Variants in ANKRD6 observed in about 807,000 individuals in gnomAD.
The protein encoded by ANKRD6 is ankyrin repeat domain 6.
A neutral mutation model predicts 82.3 loss-of-function variants in ANKRD6; 56 were observed. That is an observed-to-expected ratio of 0.68 (90% CI 0.55 to 0.85). The LOEUF is 0.85. ANKRD6 is among the 40% of genes least tolerant of loss of function. ANKRD6 has a pLI of 0.00. For synonymous variants in ANKRD6, 347 were observed against 352.1 expected (o/e 0.99, Z 0.16); for missense variants, 852 against 907.6 (o/e 0.94, Z 0.79).
chr6:89,549,526 A>G (rs1292175793), intron 1 of ANKRD6, among the ~76,000 whole-genome samples: 1 of 152,188 alleles, frequency 6.6e-6, no homozygotes, highest in Admixed American at 6.5e-5. Context: ...TCTGTTCATT[A>G]TGAGTTACCC....
intron 1 of ANKRD6, among the ~76,000 whole-genome samples, chr6:89,480,551 T>G (rs1221524468): frequency 6.6e-6 from 1 of 150,612 alleles, no homozygotes; most frequent in Admixed American, 6.6e-5. Flanking sequence ...TTTATATATT[T>G]TTTGTATATT....
chr6:89,598,506 G>T (rs898190087), intron 3 of ANKRD6: 2 of 849,800 alleles, frequency 2.4e-6, no homozygotes, highest in African/African-American at 3.7e-5. Flanking sequence ...ACATGGGGGT[G>T]TTTCCTCTTG....
chr6:89,600,409 C>G lies in ANKRD6; in HGVS notation c.220-2620C>G, dbSNP rs578163451. On this transcript the variant is annotated intron_variant, in intron 3 of 15. Coordinates refer to ENST00000339746, the MANE Select transcript of ANKRD6 (RefSeq NM_001242809.2). ...ATTTGTACAGCAAGAGTGGCTAACA[C>G]GACCCATATGCTCAGGGCTTGTTGC... Among the ~76,000 whole-genome samples the G allele has an allele frequency of 7.2e-5, 11 of 152,260 alleles. No individual in the cohort carries two copies. In the South Asian group the frequency reaches 2.1e-3, roughly 29 times the overall value.
chr6:89,614,507 G>A (rs978297337), intron 7 of ANKRD6, among the ~76,000 whole-genome samples: 1 of 152,126 alleles, frequency 6.6e-6, no homozygotes, highest in Non-Finnish European at 1.5e-5. Flanking sequence ...TTAGCCAGGC[G>A]TGGTGGCGTG....
At chr6:89,434,608 A>AT (rs948089526) in intron 1 of ANKRD6, among the ~76,000 whole-genome samples, 20 of 152,056 alleles carry the variant, frequency 1.3e-4, no homozygotes, top group African/African-American at 4.6e-4. Flanking sequence ...CTAATTTTGA[A>AT]TTTTTTTATT....
At chr6:89,594,195 G>A (rs913648277) in intron 2 of ANKRD6, among the ~76,000 whole-genome samples, 6 of 152,154 alleles carry the variant, frequency 3.9e-5, no homozygotes, top group Non-Finnish European at 7.3e-5. Context: ...GCTAACGCCT[G>A]CAATCTCAGC....
At chr6:89,625,879 G>A (rs1805496968) in intron 13 of ANKRD6, among the ~76,000 whole-genome samples, 1 of 151,924 alleles carries the variant, frequency 6.6e-6, no homozygotes, top group Admixed American at 6.6e-5. Flanking sequence ...GACTAAGGCG[G>A]ACGCCACCAT....
chr6:89,445,271 T>TC (rs953380660), intron 1 of ANKRD6, among the ~76,000 whole-genome samples: 2 of 138,500 alleles, frequency 1.4e-5, no homozygotes, highest in African/African-American at 5.5e-5. Flanking sequence ...TTTCTTTTTT[T>TC]TTTTTTTTTT....
chr6:89,465,399 G>A (rs557375417), intron 1 of ANKRD6, among the ~76,000 whole-genome samples: 4 of 152,066 alleles, frequency 2.6e-5, no homozygotes, highest in Admixed American at 2.6e-4. Flanking sequence ...GGGATTACAA[G>A]TATGAGCCAC....
intron 1 of ANKRD6, among the ~76,000 whole-genome samples, chr6:89,464,683 C>T (rs1774616367): frequency 6.6e-6 from 1 of 152,172 alleles, no homozygotes; most frequent in African/African-American, 2.4e-5. Context: ...GTATGCATTT[C>T]TATTTGGAAG....
chr6:89,604,548 TATAC>T (rs1365042644), intron 4 of ANKRD6, among the ~76,000 whole-genome samples: 1 of 152,022 alleles, frequency 6.6e-6, no homozygotes, highest in African/African-American at 2.4e-5. Flanking sequence ...TAAAGTATAA[TATAC>T]ATACAGAAAA....
chr6:89,536,098 C>T (rs544952915), intron 1 of ANKRD6, among the ~76,000 whole-genome samples: 2 of 152,298 alleles, frequency 1.3e-5, no homozygotes, highest in African/African-American at 4.8e-5. Context: ...GGAATGGTGG[C>T]ACATGCCTGT....
intron 1 of ANKRD6, among the ~76,000 whole-genome samples, chr6:89,517,686 T>C (rs953229372): frequency 3.3e-5 from 5 of 152,268 alleles, no homozygotes; most frequent in Admixed American, 2.0e-4. Flanking sequence ...GTTATGTTTA[T>C]TCTGACCACC....
At chr6:89,518,169 G>A (rs971557549) in intron 1 of ANKRD6, among the ~76,000 whole-genome samples, 2 of 152,080 alleles carry the variant, frequency 1.3e-5, no homozygotes, top group Non-Finnish European at 2.9e-5. Context: ...TTGGGAGGCC[G>A]AGGCGGGTGG....
At chr6:89,538,982 A>G (rs947645282) in intron 1 of ANKRD6, among the ~76,000 whole-genome samples, 5 of 152,184 alleles carry the variant, frequency 3.3e-5, no homozygotes, top group Admixed American at 2.6e-4. Context: ...AACAATGTCT[A>G]CATGTGATTA....
At chr6:89,503,018 G>A (rs7769333) in intron 1 of ANKRD6, among the ~76,000 whole-genome samples, 9,057 of 152,186 alleles carry the variant, frequency 0.06, 301 homozygotes, top group South Asian at 0.13. Context: ...CCCTTCCAAT[G>A]TCTCTTTCAT....
intron 2 of ANKRD6, among the ~76,000 whole-genome samples, chr6:89,572,136 G>A (rs1256541381): frequency 2.0e-5 from 3 of 152,030 alleles, no homozygotes; most frequent in Admixed American, 1.3e-4. Context: ...AAAATCTTCC[G>A]TTGTATGGAT....
chr6:89,572,672 T>C (rs1790199959), intron 2 of ANKRD6, among the ~76,000 whole-genome samples: 1 of 152,164 alleles, frequency 6.6e-6, no homozygotes, highest in South Asian at 2.1e-4. Flanking sequence ...AGGTTTTTAT[T>C]CCATTTCGAG....
rs188338793 is a variant in ANKRD6, at chr6:89,457,145, G to A, written c.-144+23770G>A. On this transcript the variant is annotated intron_variant, in intron 1 of 15. Transcript: ENST00000339746. ...GCTGCTTGAATTTCCTCAAGGCATG[G>A]CAGCTGGCTTCCACCAGAGCAAGTG... Among the ~76,000 whole-genome samples, 575 of 152,260 alleles carry A rather than the reference G, an allele frequency of 3.8e-3. 3 individuals carry two copies. Among genetic ancestry groups the A allele is most frequent in the African/African-American group, 0.013 (549 of 41,560 alleles).
Sources: gnomAD v4.1 joint callset for allele counts (sites outside exome capture counted in the v4.1 genomes callset) on GRCh38, gnomAD v4.1.1 for gene constraint, MANE v1.5 for transcripts, NCBI Gene and HGNC (gene_info 2026-07-23, HGNC 2026-07-21) for gene names.